Variants in BLTP3B observed in about 807,000 individuals in gnomAD.
The protein encoded by BLTP3B is UHRF1 (ICBP90) binding protein 1-like.
At chr12:100,113,323 G>T in the BLTP3B span, among the ~76,000 whole-genome samples, 4 of 151,682 alleles carry the variant, frequency 2.6e-5, no homozygotes, top group Non-Finnish European at 4.4e-5. Context: ...TAAAAATACA[G>T]AAAAATTAGC....
chr12:100,130,061 G>T, the BLTP3B span, among the ~76,000 whole-genome samples: 1 of 152,180 alleles, frequency 6.6e-6, no homozygotes, highest in African/African-American at 2.4e-5. Context: ...TGGTTCAAGT[G>T]ATTCTCCTGC....
chr12:100,050,176 C>T, the BLTP3B span: 174 of 1,503,704 alleles, frequency 1.2e-4, no homozygotes, highest in Non-Finnish European at 1.4e-4. Context: ...ACCAACTGGA[C>T]GATTACAAAG....
the BLTP3B span, among the ~76,000 whole-genome samples, chr12:100,073,866 A>T: frequency 6.6e-6 from 1 of 152,180 alleles, no homozygotes; most frequent in Non-Finnish European, 1.5e-5. Context: ...AAAGAAACAT[A>T]CCTCAAAACA....
chr12:100,043,295 C>T, the BLTP3B span, among the ~76,000 whole-genome samples: 1 of 152,164 alleles, frequency 6.6e-6, no homozygotes, highest in African/African-American at 2.4e-5. Context: ...AGTTCAGCTT[C>T]CTTCATGTGG....
chr12:100,048,738 GAGAGAGAGAGA>G, the BLTP3B span, among the ~76,000 whole-genome samples: 6 of 122,914 alleles, frequency 4.9e-5, no homozygotes, highest in African/African-American at 1.8e-4. Flanking sequence ...AGGGGGGGGA[GAGAGAGAGAGA>G]GAGAGAGAGA....
At chr12:100,133,141 C>T in the BLTP3B span, among the ~76,000 whole-genome samples, 2 of 151,966 alleles carry the variant, frequency 1.3e-5, no homozygotes, top group Non-Finnish European at 2.9e-5. Context: ...ACTCGGGAGG[C>T]TGAGGCAGGA....
chr12:100,103,050 T>G, the BLTP3B span, among the ~76,000 whole-genome samples: 1 of 152,064 alleles, frequency 6.6e-6, no homozygotes, highest in Non-Finnish European at 1.5e-5. Context: ...CAATCAGTTC[T>G]CAAGGCATTT....
At chr12:100,122,212 C>T in the BLTP3B span, among the ~76,000 whole-genome samples, 1 of 152,168 alleles carries the variant, frequency 6.6e-6, no homozygotes, top group Admixed American at 6.5e-5. Flanking sequence ...CCCATTGCAT[C>T]TGCCATCCAA....
chr12:100,065,582 T>C, the BLTP3B span, among the ~76,000 whole-genome samples: 7 of 152,274 alleles, frequency 4.6e-5, no homozygotes, highest in South Asian at 1.2e-3. Flanking sequence ...GACTGAAATA[T>C]GCCCTGGTCT....
the BLTP3B span, chr12:100,072,634 T>C: frequency 1.3e-5 from 19 of 1,431,952 alleles, no homozygotes; most frequent in Non-Finnish European, 1.7e-5. Flanking sequence ...AAATACTTTC[T>C]CAAATAATGG....
the BLTP3B span, among the ~76,000 whole-genome samples, chr12:100,108,942 ATGGGTAG>A: frequency 6.6e-6 from 1 of 152,088 alleles, no homozygotes; most frequent in Non-Finnish European, 1.5e-5. Flanking sequence ...AGGGGTGGGA[ATGGGTAG>A]TGGGTACAAA....
chr12:100,124,282 A>G, the BLTP3B span, among the ~76,000 whole-genome samples: 3 of 151,982 alleles, frequency 2.0e-5, no homozygotes, highest in Non-Finnish European at 2.9e-5. Flanking sequence ...CTTGTCTCTC[A>G]AATAAATAAA....
the BLTP3B span, among the ~76,000 whole-genome samples, chr12:100,073,092 AG>A: frequency 6.6e-6 from 1 of 152,216 alleles, no homozygotes; most frequent in East Asian, 1.9e-4. Flanking sequence ...TAAAAACAAC[AG>A]AAAAATGATA....
chr12:100,042,048 A>G, the BLTP3B span, among the ~76,000 whole-genome samples: 51 of 152,338 alleles, frequency 3.3e-4, no homozygotes, highest in African/African-American at 1.1e-3. Context: ...TAAACTTAAC[A>G]AAAGAAGCAC....
the BLTP3B span, among the ~76,000 whole-genome samples, chr12:100,107,289 C>CAAAAA: frequency 1.1e-3 from 38 of 35,172 alleles, no homozygotes; most frequent in Admixed American, 1.4e-3. Context: ...CTCCATCTCC[C>CAAAAA]AAAAAAAAAA....
At chr12:100,124,939 TATATATATATATA>T in the BLTP3B span, among the ~76,000 whole-genome samples, 1 of 27,714 alleles carries the variant, frequency 3.6e-5, no homozygotes, top group Non-Finnish European at 6.7e-5. Context: ...AAAAATTTTA[TATATATATATATA>T]TATATATATA....
chr12:100,116,448 CA>C, the BLTP3B span, among the ~76,000 whole-genome samples: 50 of 55,988 alleles, frequency 8.9e-4, no homozygotes, highest in Middle Eastern at 9.8e-3. Context: ...GATCCTGTCT[CA>C]AAAAAAAAAA....
the BLTP3B span, among the ~76,000 whole-genome samples, chr12:100,140,717 AAAAAAAAAAAAAATAT>A: frequency 9.2e-6 from 1 of 109,162 alleles, no homozygotes; most frequent in Admixed American, 8.4e-5. Flanking sequence ...AAAAAAAAAA[AAAAAAAAAAAAAATAT>A]ATATATATAT....
At chr12:100,098,577 C>A in the BLTP3B span, 2 of 1,571,262 alleles carry the variant, frequency 1.3e-6, no homozygotes, top group Non-Finnish European at 1.7e-6. Context: ...ACACTAATGA[C>A]AAAACTAATT....
Sources: gnomAD v4.1 joint callset for allele counts (sites outside exome capture counted in the v4.1 genomes callset) on GRCh38, gnomAD v4.1.1 for gene constraint, MANE v1.5 for transcripts, NCBI Gene and HGNC (gene_info 2026-07-23, HGNC 2026-07-21) for gene names.